The following BBS9 variants were observed in gnomAD, a reference collection of about 807,000 sequenced individuals.
BBS9 encodes the protein protein PTHB1.
Under a neutral mutation model 117.7 loss-of-function variants are expected in BBS9, and 89 were observed. That is an observed-to-expected ratio of 0.76 (90% confidence interval 0.64 to 0.90). BBS9 has a LOEUF of 0.90. Ranked by LOEUF, BBS9 falls within the 40% of genes least tolerant of loss-of-function variation. The pLI is 0.00. For synonymous variants in BBS9, 379 were observed against 370.9 expected (o/e 1.02, Z -0.25); for missense variants, 982 against 1,042.2 (o/e 0.94, Z 0.80).
At chr7:33,164,521 G>C (rs1795359046) in intron 4 of BBS9, among the ~76,000 whole-genome samples, 1 of 152,146 alleles carries the variant, frequency 6.6e-6, no homozygotes, top group Admixed American at 6.5e-5. Context: ...CTCCAGTATT[G>C]GGTGCATATA....
intron 10 of BBS9, among the ~76,000 whole-genome samples, chr7:33,338,365 A>G (rs1815814241): frequency 6.6e-6 from 1 of 152,128 alleles, no homozygotes; most frequent in Non-Finnish European, 1.5e-5. Flanking sequence ...AAATTGTTTT[A>G]TTACAGTTTT....
chr7:33,313,244 T>C (rs1809702285), intron 9 of BBS9, among the ~76,000 whole-genome samples: 1 of 152,122 alleles, frequency 6.6e-6, no homozygotes, highest in African/African-American at 2.4e-5. Context: ...ATCTCTATAT[T>C]ACTCTCTTTA....
intron 20 of BBS9, among the ~76,000 whole-genome samples, chr7:33,524,426 C>A (rs1280735555): frequency 2.0e-5 from 3 of 152,104 alleles, no homozygotes; most frequent in Non-Finnish European, 2.9e-5. Flanking sequence ...ACAATTTCAG[C>A]TCCTGTTATT....
intron 9 of BBS9, among the ~76,000 whole-genome samples, chr7:33,316,386 T>C (rs1810517144): frequency 6.6e-6 from 1 of 151,546 alleles, no homozygotes; most frequent in Non-Finnish European, 1.5e-5. Context: ...TGTGGATTTA[T>C]GTTTTCATTT....
At chr7:33,354,986 C>T (rs1316631546) in intron 15 of BBS9, among the ~76,000 whole-genome samples, 1 of 151,888 alleles carries the variant, frequency 6.6e-6, no homozygotes, top group Admixed American at 6.6e-5. Flanking sequence ...AAATAAATGA[C>T]AAAAGTTTCT....
chr7:33,631,490 C>T (rs993410608), intron 21 of BBS9, among the ~76,000 whole-genome samples: 1 of 152,192 alleles, frequency 6.6e-6, no homozygotes, highest in Non-Finnish European at 1.5e-5. Context: ...TTCACAGGCT[C>T]CCACAGGCAG....
At chr7:33,324,127 C>T (rs907741894) in intron 9 of BBS9, among the ~76,000 whole-genome samples, 1 of 152,054 alleles carries the variant, frequency 6.6e-6, no homozygotes, top group African/African-American at 2.4e-5. Flanking sequence ...CATGAGCCAC[C>T]ACGCTTGGAC....
At chr7:33,190,689 G>GTCACATTCT in intron 5 of BBS9, among the ~76,000 whole-genome samples, 1 of 152,218 alleles carries the variant, frequency 6.6e-6, no homozygotes, top group African/African-American at 2.4e-5. Flanking sequence ...CCATGTAAAA[G>GTCACATTCT]AGGTTCTTCC....
chr7:33,224,614 C>T (rs573356673), intron 5 of BBS9, among the ~76,000 whole-genome samples: 11 of 152,264 alleles, frequency 7.2e-5, no homozygotes, highest in Non-Finnish European at 1.5e-4. Context: ...ACCTCCCCAC[C>T]GATCTTCTCC....
intron 5 of BBS9, among the ~76,000 whole-genome samples, chr7:33,178,598 G>A (rs1797667773): frequency 6.6e-6 from 1 of 152,158 alleles, no homozygotes; most frequent in African/African-American, 2.4e-5. Context: ...GACTCTGTGT[G>A]CATATGTATC....
chr7:33,289,835 A>C (rs1238298739), intron 9 of BBS9, among the ~76,000 whole-genome samples: 11 of 152,098 alleles, frequency 7.2e-5, no homozygotes, highest in Admixed American at 7.2e-4. Context: ...CTAGGTCAAG[A>C]GATCAGGACC....
intron 19 of BBS9, among the ~76,000 whole-genome samples, chr7:33,475,295 C>A (rs1434687096): frequency 6.6e-6 from 1 of 152,146 alleles, no homozygotes; most frequent in Non-Finnish European, 1.5e-5. Context: ...GCCCATGGGC[C>A]ATAGTTTGCT....
chr7:33,190,171 G>C (rs1295940380), intron 5 of BBS9, among the ~76,000 whole-genome samples: 1 of 142,598 alleles, frequency 7.0e-6, no homozygotes, highest in Admixed American at 7.2e-5. Context: ...CCAGGCTGGA[G>C]TGCAGTGGCG....
chr7:33,255,392 C>T (rs985610920), intron 5 of BBS9, among the ~76,000 whole-genome samples: 1 of 148,574 alleles, frequency 6.7e-6, no homozygotes, highest in Non-Finnish European at 1.5e-5. Context: ...TTCCCAGCAC[C>T]ACTTATTGAA....
At chr7:33,594,708 G>T (rs1862453194) in intron 21 of BBS9, among the ~76,000 whole-genome samples, 1 of 152,198 alleles carries the variant, frequency 6.6e-6, no homozygotes, top group East Asian at 1.9e-4. Context: ...GCATTGAATG[G>T]TGTCAACCTG....
intron 19 of BBS9, among the ~76,000 whole-genome samples, chr7:33,408,570 G>T (rs187616219): frequency 6.6e-6 from 1 of 152,134 alleles, no homozygotes; most frequent in Non-Finnish European, 1.5e-5. Context: ...GTTCCTATTC[G>T]GCCATCTTGG....
intron 21 of BBS9, among the ~76,000 whole-genome samples, chr7:33,597,069 TCACACACACACACACACACACA>T (rs58511454): frequency 9.4e-5 from 13 of 138,940 alleles, no homozygotes; most frequent in African/African-American, 2.1e-4. Context: ...TCTCTCTCTG[TCACACACACACACACACACACA>T]CACACACACA....
At chr7:33,254,460 A>G (rs73309310) in intron 5 of BBS9, among the ~76,000 whole-genome samples, 17,175 of 152,166 alleles carry the variant, frequency 0.11, 1,143 homozygotes, top group African/African-American at 0.18. Context: ...TGTAATGATT[A>G]CCAGAATCAA....
intron 19 of BBS9, among the ~76,000 whole-genome samples, chr7:33,445,562 C>T (rs1247695261): frequency 6.6e-6 from 1 of 152,168 alleles, no homozygotes; most frequent in Non-Finnish European, 1.5e-5. Context: ...TTGTGTTGTC[C>T]TCCATTAGTT....
Sources: gnomAD v4.1 joint callset for allele counts (sites outside exome capture counted in the v4.1 genomes callset) on GRCh38, gnomAD v4.1.1 for gene constraint, MANE v1.5 for transcripts, NCBI Gene and HGNC (gene_info 2026-07-23, HGNC 2026-07-21) for gene names.